Variants in CPQ observed in about 807,000 individuals in gnomAD.
The protein encoded by CPQ is Ser-Met dipeptidase.
In CPQ, 37 loss-of-function variants were observed where a neutral mutation model predicts 45.7. The observed-to-expected ratio is 0.81, with a 90% confidence interval of 0.62 to 1.07. The LOEUF is 1.07. Ranked by LOEUF, CPQ falls within the 50% of genes least tolerant of loss-of-function variation. CPQ has a pLI of 0.00. For missense variants in CPQ, 537 were observed against 572.9 expected, an observed-to-expected ratio of 0.94 and a Z score of 0.64; for synonymous variants, 186 against 205.8, an observed-to-expected ratio of 0.90 and a Z score of 0.82.
chr8:97,113,944 C>T (rs555923273), intron 7 of CPQ, among the ~76,000 whole-genome samples: 10 of 152,294 alleles, frequency 6.6e-5, no homozygotes, highest in South Asian at 4.1e-4. Context: ...GTGTCCATCA[C>T]GAAGGCCATG....
At chr8:96,777,240 G>A (rs1810616327) in intron 1 of CPQ, among the ~76,000 whole-genome samples, 1 of 152,164 alleles carries the variant, frequency 6.6e-6, no homozygotes, top group Non-Finnish European at 1.5e-5. Context: ...GTAGGTAGAT[G>A]ATGAGTAGGG....
chr8:96,898,421 A>G (rs910839516), intron 4 of CPQ, among the ~76,000 whole-genome samples: 6 of 152,162 alleles, frequency 3.9e-5, no homozygotes, highest in Non-Finnish European at 8.8e-5. Context: ...GGGAAAGGAA[A>G]CTTTCTACTG....
chr8:96,994,521 T>G (rs972330645), intron 5 of CPQ, among the ~76,000 whole-genome samples: 1 of 152,138 alleles, frequency 6.6e-6, no homozygotes, highest in Admixed American at 6.6e-5. Flanking sequence ...AAACCTTGCA[T>G]GAATGAGTCT....
intron 3 of CPQ, 64 bp from the exon 4 acceptor site, chr8:96,879,734 C>T (rs2130880855): frequency 8.3e-7 from 1 of 1,211,106 alleles, no homozygotes; most frequent in Non-Finnish European, 1.2e-6. Context: ...TATACAGGTG[C>T]TTTCAAAAAA....
chr8:96,700,481 G>T (rs143872637), intron 1 of CPQ, among the ~76,000 whole-genome samples: 131 of 152,244 alleles, frequency 8.6e-4, no homozygotes, highest in African/African-American at 3.1e-3. Context: ...AAATGGAGAT[G>T]CAGTTGTCTC....
intron 1 of CPQ, among the ~76,000 whole-genome samples, chr8:96,686,139 T>C (rs1026239510): frequency 1.3e-5 from 2 of 152,132 alleles, no homozygotes; most frequent in Non-Finnish European, 2.9e-5. Context: ...TAAATAATCA[T>C]ATAGTTTCCA....
At chr8:96,766,662 C>T (rs1810471713) in intron 1 of CPQ, among the ~76,000 whole-genome samples, 1 of 152,130 alleles carries the variant, frequency 6.6e-6, no homozygotes, top group Admixed American at 6.5e-5. Flanking sequence ...GAGCTGAGTG[C>T]TAAGTGGAGA....
chr8:96,742,512 G>A (rs1476459024), intron 1 of CPQ, among the ~76,000 whole-genome samples: 1 of 151,868 alleles, frequency 6.6e-6, no homozygotes, highest in African/African-American at 2.4e-5. Flanking sequence ...GTTTGATCCT[G>A]TCATTATGAT....
chr8:96,737,223 A>G (rs921855081), intron 1 of CPQ, among the ~76,000 whole-genome samples: 3 of 147,800 alleles, frequency 2.0e-5, no homozygotes, highest in Non-Finnish European at 3.0e-5. Flanking sequence ...GGACAGAACT[A>G]ATAAGATACA....
At chr8:97,123,047 TA>T (rs1433154450) in intron 7 of CPQ, among the ~76,000 whole-genome samples, 2 of 13,942 alleles carry the variant, frequency 1.4e-4, no homozygotes, top group Admixed American at 7.0e-4. Flanking sequence ...ATAAAATAAA[TA>T]AAATAAAATA....
intron 1 of CPQ, among the ~76,000 whole-genome samples, chr8:96,740,512 G>A (rs1182929231): frequency 4.0e-5 from 6 of 151,612 alleles, no homozygotes; most frequent in Admixed American, 3.9e-4. Flanking sequence ...GAATAGGAGT[G>A]GTGAGAGAGG....
intron 1 of CPQ, among the ~76,000 whole-genome samples, chr8:96,683,050 G>A (rs746404023): frequency 1.6e-4 from 24 of 151,844 alleles, no homozygotes; most frequent in Non-Finnish European, 3.1e-4. Context: ...TTATCATTGT[G>A]GTTTAGTGGT....
intron 7 of CPQ, among the ~76,000 whole-genome samples, chr8:97,127,945 AT>A: frequency 6.6e-6 from 1 of 152,200 alleles, no homozygotes; most frequent in Non-Finnish European, 1.5e-5. Context: ...GTGGGAAGGA[AT>A]GGACTGAAAA....
chr8:96,708,140 C>T (rs1250733619), intron 1 of CPQ, among the ~76,000 whole-genome samples: 4 of 151,952 alleles, frequency 2.6e-5, no homozygotes, highest in Non-Finnish European at 4.4e-5. Flanking sequence ...TCTCTCTGTC[C>T]CCTTCTTCTA....
chr8:97,048,116 G>A (rs1810292385), intron 6 of CPQ, among the ~76,000 whole-genome samples: 1 of 152,170 alleles, frequency 6.6e-6, no homozygotes, highest in African/African-American at 2.4e-5. Flanking sequence ...AGATCTCCAA[G>A]GATAGAGATT....
At chr8:96,992,021 T>G (rs1473676119) in intron 5 of CPQ, among the ~76,000 whole-genome samples, 1 of 152,196 alleles carries the variant, frequency 6.6e-6, no homozygotes, top group Non-Finnish European at 1.5e-5. Context: ...ACAGAGTGGA[T>G]GGCTTTGATC....
At chr8:96,758,441 C>T (rs1266762235) in intron 1 of CPQ, among the ~76,000 whole-genome samples, 1 of 152,194 alleles carries the variant, frequency 6.6e-6, no homozygotes, top group Non-Finnish European at 1.5e-5. Context: ...TAAAACTACA[C>T]CTGCCAACCT....
In CPQ at chr8:96,787,525, C is replaced by CTTTTTTTTTT. The variant is rs71267281; in HGVS notation, c.433+2216_433+2225dup. Among the ~76,000 whole-genome samples the CTTTTTTTTTT allele has an allele frequency of 5.4e-3, 255 of 47,590 alleles. 67 individuals are homozygous for CTTTTTTTTTT. Among genetic ancestry groups the CTTTTTTTTTT allele is most frequent in the East Asian group, 0.011 (10 of 894 alleles). The allele number at this position is 47,590 out of a possible 152,430, so 31.2% of individuals were successfully genotyped here. A position where few individuals can be genotyped will look rare whatever the true frequency, so the allele number is the denominator to read the frequency against. On this transcript the variant is annotated intron_variant, in intron 2 of 7. Coordinates refer to ENST00000220763, the MANE Select transcript of CPQ (RefSeq NM_016134.4). ...TTGTAGTTTCATTTTCTTATAATGT[C>CTTTTTTTTTT]TTTTTTTTTTTTTTTTTTTTTTTTT... is the stretch of plus-strand genomic sequence containing the variant.
At chr8:96,737,356 A>G (rs1331125546) in intron 1 of CPQ, among the ~76,000 whole-genome samples, 1 of 37,422 alleles carries the variant, frequency 2.7e-5, no homozygotes, top group Non-Finnish European at 7.4e-5. Context: ...CTAATAGGAG[A>G]TATATATATA....
Sources: gnomAD v4.1 joint callset for allele counts (sites outside exome capture counted in the v4.1 genomes callset) on GRCh38, gnomAD v4.1.1 for gene constraint, MANE v1.5 for transcripts, NCBI Gene and HGNC (gene_info 2026-07-23, HGNC 2026-07-21) for gene names.